The following RGS7 variants were observed in gnomAD, a reference collection of about 807,000 sequenced individuals.
RGS7 encodes the protein regulator of G protein signaling 7.
RGS7 carries 27 observed loss-of-function variants against 81.1 expected under a neutral mutation model. That is an observed-to-expected ratio of 0.33 (90% CI 0.25 to 0.46). The LOEUF (loss-of-function observed/expected upper bound fraction) is 0.46, where lower values mean the gene tolerates loss of function less well. Among genes scored for constraint, RGS7 ranks in the 20% least tolerant of loss-of-function variants. The pLI, the probability that RGS7 is intolerant of heterozygous loss-of-function variation, is 1.00. For synonymous variants in RGS7, 208 were observed against 207.7 expected (o/e 1.00, Z -0.01); for missense variants, 396 against 607.4 (o/e 0.65, Z 3.66).
At chr1:241,002,878 T>C (rs1029981378) in intron 3 of RGS7, among the ~76,000 whole-genome samples, 9 of 152,190 alleles carry the variant, frequency 5.9e-5, no homozygotes, top group Admixed American at 5.9e-4. Flanking sequence ...TTAAAACATA[T>C]GAATACAAGT....
chr1:241,208,994 C>T (rs1284120537), intron 2 of RGS7, among the ~76,000 whole-genome samples: 6 of 152,164 alleles, frequency 3.9e-5, no homozygotes, highest in South Asian at 4.1e-4. Flanking sequence ...GCAAGGACTG[C>T]GCCTGCATCT....
chr1:241,186,432 TG>T (rs1303045669), intron 2 of RGS7: 7 of 907,492 alleles, frequency 7.7e-6, no homozygotes, highest in East Asian at 1.2e-4. Flanking sequence ...CATCTAAGAT[TG>T]TTTTTTTTCT....
At chr1:241,287,709 T>C (rs1466415056) in intron 2 of RGS7, among the ~76,000 whole-genome samples, 2 of 151,656 alleles carry the variant, frequency 1.3e-5, no homozygotes, top group African/African-American at 2.4e-5. Flanking sequence ...CTTAATTCTA[T>C]AGATACCTAC....
intron 2 of RGS7, among the ~76,000 whole-genome samples, chr1:241,324,209 T>G (rs2148620240): frequency 6.6e-6 from 1 of 152,278 alleles, no homozygotes; most frequent in Admixed American, 6.5e-5. Context: ...AAATTTAAAC[T>G]AACTCTATTT....
At chr1:241,327,816 T>C (rs2081703617) in intron 2 of RGS7, among the ~76,000 whole-genome samples, 1 of 152,232 alleles carries the variant, frequency 6.6e-6, no homozygotes, top group Non-Finnish European at 1.5e-5. Flanking sequence ...AAAATAGCTA[T>C]AATTACAGAT....
At chr1:240,789,998 C>G (rs562509546) in intron 18 of RGS7, among the ~76,000 whole-genome samples, 1 of 152,310 alleles carries the variant, frequency 6.6e-6, no homozygotes, top group African/African-American at 2.4e-5. Flanking sequence ...TTTAAAATTT[C>G]TCTCTTTTGT....
intron 3 of RGS7, among the ~76,000 whole-genome samples, chr1:241,003,108 T>C (rs2058496158): frequency 6.6e-6 from 1 of 152,160 alleles, no homozygotes; most frequent in Admixed American, 6.5e-5. Context: ...CACAAAGATA[T>C]ATACTCACAC....
intron 9 of RGS7, among the ~76,000 whole-genome samples, chr1:240,851,648 G>T (rs1165027651): frequency 6.6e-6 from 1 of 152,102 alleles, no homozygotes; most frequent in Non-Finnish European, 1.5e-5. Context: ...TTCTGCAAAG[G>T]GGTCATCATT....
At chr1:240,795,629 G>A (rs1686926879) in intron 18 of RGS7, among the ~76,000 whole-genome samples, 1 of 152,066 alleles carries the variant, frequency 6.6e-6, no homozygotes, top group African/African-American at 2.4e-5. Context: ...TAAAAGCAAT[G>A]AATAATAAAT....
intron 2 of RGS7, among the ~76,000 whole-genome samples, chr1:241,126,225 A>C (rs1042687960): frequency 6.6e-6 from 1 of 151,840 alleles, no homozygotes; most frequent in Non-Finnish European, 1.5e-5. Flanking sequence ...TCTCGGCTCA[A>C]TGCAACCTCC....
chr1:240,783,761 A>G (rs1378422529), intron 18 of RGS7, among the ~76,000 whole-genome samples: 2 of 152,146 alleles, frequency 1.3e-5, no homozygotes, highest in African/African-American at 4.8e-5. Flanking sequence ...AGCCTGGGGC[A>G]TTAGGGAGAT....
chr1:241,127,466 C>G (rs566494405), intron 2 of RGS7, among the ~76,000 whole-genome samples: 112 of 152,290 alleles, frequency 7.4e-4, no homozygotes, highest in African/African-American at 2.6e-3. Context: ...ACCGCATGTT[C>G]TCACTCATAG....
chr1:241,012,882 G>A (rs551183483), intron 3 of RGS7, among the ~76,000 whole-genome samples: 2 of 151,974 alleles, frequency 1.3e-5, no homozygotes, highest in African/African-American at 2.4e-5. Flanking sequence ...CTTTCTAATG[G>A]CTGGGCTGCT....
intron 2 of RGS7, among the ~76,000 whole-genome samples, chr1:241,243,896 AT>A (rs966745343): frequency 6.6e-6 from 1 of 152,014 alleles, no homozygotes; most frequent in African/African-American, 2.4e-5. Context: ...TTCAAAGAAC[AT>A]TTTTTTTCAG....
chr1:241,262,515 T>C (rs2077388961), intron 2 of RGS7, among the ~76,000 whole-genome samples: 1 of 152,216 alleles, frequency 6.6e-6, no homozygotes, highest in Non-Finnish European at 1.5e-5. Context: ...TGCACAGTTA[T>C]GTGGGAAGAG....
chr1:241,114,762 A>AT (rs1277989164), intron 2 of RGS7, among the ~76,000 whole-genome samples: 2 of 152,196 alleles, frequency 1.3e-5, no homozygotes, highest in African/African-American at 4.8e-5. Context: ...AAAGAATATG[A>AT]TTATGGGGCC....
At chr1:241,112,925 A>G (rs1041908456) in intron 2 of RGS7, among the ~76,000 whole-genome samples, 1 of 152,224 alleles carries the variant, frequency 6.6e-6, no homozygotes, top group African/African-American at 2.4e-5. Context: ...CTTGCCTTTT[A>G]TATGGGGATT....
chr1:241,190,787 G>T (rs112913157), intron 2 of RGS7, among the ~76,000 whole-genome samples: 3,762 of 151,288 alleles, frequency 0.025, 151 homozygotes, highest in African/African-American at 0.085. Flanking sequence ...TTCCTTCCTG[G>T]TTTGTATGCC....
At chr1:241,160,336 T>G (rs750488246) in intron 2 of RGS7, among the ~76,000 whole-genome samples, 2 of 152,150 alleles carry the variant, frequency 1.3e-5, no homozygotes, top group South Asian at 4.1e-4. Context: ...CTTACAAAAT[T>G]CATGTCAGAT....
Sources: gnomAD v4.1 joint callset for allele counts (sites outside exome capture counted in the v4.1 genomes callset) on GRCh38, gnomAD v4.1.1 for gene constraint, MANE v1.5 for transcripts, NCBI Gene and HGNC (gene_info 2026-07-23, HGNC 2026-07-21) for gene names.